BPIFC: variants seen among roughly 807,000 people sequenced by gnomAD.
The protein encoded by BPIFC is BPI fold containing family C, also known as BPI fold-containing family C protein.
In BPIFC, 60 loss-of-function variants were observed where a neutral mutation model predicts 57.6. That is an observed-to-expected ratio of 1.04 (90% CI 0.85 to 1.29). The LOEUF is 1.29. Among genes scored for constraint, BPIFC ranks in the 50% most tolerant of loss-of-function variants. BPIFC has a pLI of 0.00. For missense variants in BPIFC, 581 were observed against 600.5 expected (o/e 0.97, Z 0.34); for synonymous variants, 243 against 224.5 (o/e 1.08, Z -0.74).
intron 4 of BPIFC, among the ~76,000 whole-genome samples, chr22:32,448,797 G>A (rs751601029): frequency 7.2e-5 from 11 of 152,092 alleles, no homozygotes; most frequent in Non-Finnish European, 1.3e-4. Flanking sequence ...AATTAACCGG[G>A]TGTGGTGGCA....
At chr22:32,425,501 G>T (rs182762090) in intron 13 of BPIFC, among the ~76,000 whole-genome samples, 1 of 152,192 alleles carries the variant, frequency 6.6e-6, no homozygotes, top group Admixed American at 6.5e-5. Flanking sequence ...TGAATCAGGG[G>T]ACTCTGGAAA....
At chr22:32,420,946 A>G (rs1310263693) in intron 13 of BPIFC, among the ~76,000 whole-genome samples, 1 of 152,248 alleles carries the variant, frequency 6.6e-6, no homozygotes, top group Non-Finnish European at 1.5e-5. Context: ...TGCCTAGCAT[A>G]TCCTTATCAC....
intron 13 of BPIFC, among the ~76,000 whole-genome samples, chr22:32,422,253 C>G (rs895028732): frequency 2.6e-5 from 4 of 152,098 alleles, no homozygotes; most frequent in African/African-American, 9.7e-5. Flanking sequence ...ATTCTGTGCT[C>G]AGGAATGTGC....
At chr22:32,425,649 G>A (rs1041932516) in intron 13 of BPIFC, among the ~76,000 whole-genome samples, 8 of 151,960 alleles carry the variant, frequency 5.3e-5, no homozygotes, top group East Asian at 1.9e-4. Flanking sequence ...GGCCTTTACC[G>A]TCTATTAGGT....
rs755909018 is a variant in BPIFC at position 32,445,612 on chromosome 22, T to C, written c.594+23A>G. On this transcript the variant is annotated intron_variant, in intron 7 of 16. Transcript: ENST00000300399. Reference sequence around the variant, plus strand: ...TTCTACTAATGGCATTTTACTGTGGTTGCCTAACCTCTAAAGACTCACCAT... The same window carrying C: ...TTCTACTAATGGCATTTTACTGTGGCTGCCTAACCTCTAAAGACTCACCAT... 8 of 1,574,874 alleles carry C rather than the reference T, an allele frequency of 5.1e-6. No homozygotes were observed. In the East Asian group the frequency reaches 1.3e-4, roughly 27 times the overall value.
At chr22:32,450,141 CAT>C (rs375661688) in intron 4 of BPIFC, among the ~76,000 whole-genome samples, 60 of 147,896 alleles carry the variant, frequency 4.1e-4, no homozygotes, top group African/African-American at 1.3e-3. Context: ...CACACACACA[CAT>C]ATATACACAT....
intron 1 of BPIFC, among the ~76,000 whole-genome samples, chr22:32,462,198 G>GAAAAAAAATAAAA (rs1157717599): frequency 1.2e-3 from 146 of 119,040 alleles, no homozygotes; most frequent in African/African-American, 4.3e-3. Context: ...AAAGAAAAAA[G>GAAAAAAAATAAAA]AAAAAAAAGA....
At position 32,414,142 on chromosome 22, in the gene BPIFC, G is replaced by T. The variant is rs915695367; in HGVS notation, c.*161C>A. Reference sequence around the variant, plus strand: ...TCTATTTATCCCTTTAACAGAGTCTGCCTTATTCTGGGTTCCTGAAGGCTT... The same window carrying T: ...TCTATTTATCCCTTTAACAGAGTCTTCCTTATTCTGGGTTCCTGAAGGCTT... On this transcript the variant is annotated 3_prime_UTR_variant, in exon 17 of 17. Coordinates refer to ENST00000300399, the MANE Select transcript of BPIFC (RefSeq NM_174932.3). 2.0e-5 allele frequency: 16 copies of T among 811,200 alleles called. No homozygotes were observed. The highest frequency in any genetic ancestry group is 2.9e-5 in the Non-Finnish European group (15 of 526,260). The allele number at this position is 811,200 out of a possible 1,614,324, so 50.3% of individuals were successfully genotyped here. A position where few individuals can be genotyped will look rare whatever the true frequency, so the allele number is the denominator to read the frequency against.
At chr22:32,424,660 T>TCCTCCTCCTCCTCC (rs1569448003) in intron 13 of BPIFC, among the ~76,000 whole-genome samples, 1 of 60,988 alleles carries the variant, frequency 1.6e-5, no homozygotes, top group Non-Finnish European at 2.8e-5. Flanking sequence ...CTTCTTCTTC[T>TCCTCCTCCTCCTCC]TCTTCTTCTT....
Position 32,432,557 on chromosome 22 carries a change from G to A in BPIFC, c.979-14C>T, listed in dbSNP as rs74516378. The A allele has an allele frequency of 2.4e-3, 3,899 of 1,611,008 alleles. 52 individuals are homozygous for A. The African/African-American group carries it at 0.035, about 14-fold the overall frequency. ...GATCTCTGCAATCTGCCCACATTCC[G>A]AGAAAGAAATAAAGATTGTGAGGCG... On this transcript the variant is annotated splice_polypyrimidine_tract_variant and intron_variant, in intron 11 of 16. Transcript: ENST00000300399.
intron 3 of BPIFC, among the ~76,000 whole-genome samples, chr22:32,455,579 C>T (rs1935016936): frequency 6.6e-6 from 1 of 152,186 alleles, no homozygotes; most frequent in South Asian, 2.1e-4. Flanking sequence ...GCAGCTGAGG[C>T]TCAGGGAGGT....
At chr22:32,435,001 A>G (rs913557547) in intron 10 of BPIFC, among the ~76,000 whole-genome samples, 7 of 133,630 alleles carry the variant, frequency 5.2e-5, no homozygotes, top group African/African-American at 1.7e-4. Context: ...TAATGATGAC[A>G]ATGATGATAA....
intron 8 of BPIFC, among the ~76,000 whole-genome samples, chr22:32,440,430 C>T (rs1934532287): frequency 6.6e-6 from 1 of 152,254 alleles, no homozygotes; most frequent in Admixed American, 6.5e-5. Context: ...GAGTGAGCCA[C>T]TGCGCCTGAT....
chr22:32,442,741 A>G lies in BPIFC; in HGVS notation c.595-10T>C. 6.2e-7 allele frequency: 1 copy of G among 1,612,700 alleles called. No homozygotes were observed. The highest frequency in any genetic ancestry group is 1.1e-5 in the South Asian group (1 of 90,766). Reference sequence around the variant, plus strand: ...CAATAATGGGACAGAGCTGGCCACAAAGGAATAAAAAGAAAAAAGCAAGTT... The same window carrying G: ...CAATAATGGGACAGAGCTGGCCACAGAGGAATAAAAAGAAAAAAGCAAGTT... On this transcript the variant is annotated splice_polypyrimidine_tract_variant and intron_variant, in intron 7 of 16. Transcript: ENST00000300399.
intron 1 of BPIFC, among the ~76,000 whole-genome samples, chr22:32,461,998 T>C (rs1601490589): frequency 6.6e-6 from 1 of 151,452 alleles, no homozygotes; most frequent in Non-Finnish European, 1.5e-5. Context: ...ATGGTGAAAC[T>C]GTCTCTACTA....
chr22:32,419,011 G>A (rs1253927436), intron 14 of BPIFC, among the ~76,000 whole-genome samples: 1 of 151,924 alleles, frequency 6.6e-6, no homozygotes, highest in Non-Finnish European at 1.5e-5. Flanking sequence ...TATTCCTTTG[G>A]GATATGTAAC....
In BPIFC at chr22:32,457,262, C is replaced by T. The variant is rs763323649; in HGVS notation, c.124+1G>A. The T allele has an allele frequency of 1.3e-6, 2 of 1,596,878 alleles. No individual in the cohort carries two copies. The highest frequency in any genetic ancestry group is 1.1e-5 in the South Asian group (1 of 88,322). On this transcript the variant is annotated splice_donor_variant, in intron 3 of 16. Transcript: ENST00000300399. LOFTEE classifies it high-confidence loss of function. ...CTGGCTTCTGAAAACATCCAACTCA[C>T]CATAGTCAAGTGCCCTCTGAGTAAT...
intron 2 of BPIFC, among the ~76,000 whole-genome samples, chr22:32,460,319 G>C (rs1361617491): frequency 6.6e-6 from 1 of 152,180 alleles, no homozygotes; most frequent in Non-Finnish European, 1.5e-5. Flanking sequence ...GAGGTGGAAG[G>C]GCTATCCTAT....
chr22:32,417,768 C>G (rs926130253), intron 14 of BPIFC, among the ~76,000 whole-genome samples: 1 of 152,180 alleles, frequency 6.6e-6, no homozygotes, highest in Non-Finnish European at 1.5e-5. Context: ...AGCAATCTTC[C>G]CTTTACTTAC....
Sources: gnomAD v4.1 joint callset for allele counts (sites outside exome capture counted in the v4.1 genomes callset) on GRCh38, gnomAD v4.1.1 for gene constraint, MANE v1.5 for transcripts, NCBI Gene and HGNC (gene_info 2026-07-23, HGNC 2026-07-21) for gene names.